Variants in CACNA1A observed in about 807,000 individuals in gnomAD.
CACNA1A encodes calcium voltage-gated channel subunit alpha1 A, also known as voltage-dependent P/Q-type calcium channel subunit alpha-1A.
CACNA1A carries 57 observed loss-of-function variants against 262.4 expected under a neutral mutation model. The observed-to-expected ratio is 0.22, with a 90% CI of 0.18 to 0.27. CACNA1A has a LOEUF of 0.27. Among genes scored for constraint, CACNA1A ranks in the 10% least tolerant of loss-of-function variants. The probability of loss-of-function intolerance (pLI) is 1.00; values close to 1 mark genes in which losing one functional copy is unlikely to be tolerated. For synonymous variants in CACNA1A, 1,431 were observed against 1,419.3 expected (o/e 1.01, Z -0.18); for missense variants, 2,526 against 3,562.8 (o/e 0.71, Z 7.41).
chr19:13,369,208 CTCT>C (rs1160266784), intron 4 of CACNA1A, among the ~76,000 whole-genome samples: 2 of 152,154 alleles, frequency 1.3e-5, no homozygotes, highest in Non-Finnish European at 2.9e-5. Context: ...CCAGCTGCCT[CTCT>C]TCTTAGTAGA....
At position 13,298,786 on chromosome 19, in the gene CACNA1A, C is replaced by A; in HGVS notation, c.2847G>T (p.Thr949=). The change falls in exon 19 of 47, where the codon ACG becomes ACT. Residue 949 remains threonine, a synonymous_variant. Transcript: ENST00000360228. ...GACGTCGATGCTCCCCGTCCGCGCC[C>A]GTGCGCGGGGACCCGCTGCGGCTCT... ...SRESRSGSPR[T]GADGEHRRHR... 9 of 1,539,744 alleles carry A rather than the reference C, an allele frequency of 5.8e-6. No individual in the cohort carries two copies. The highest frequency in any genetic ancestry group is 7.8e-6 in the Non-Finnish European group (9 of 1,153,670).
At chr19:13,448,644 T>C (rs1017248234) in intron 3 of CACNA1A, among the ~76,000 whole-genome samples, 1 of 152,208 alleles carries the variant, frequency 6.6e-6, no homozygotes, top group East Asian at 1.9e-4. Flanking sequence ...TGGCAATACC[T>C]AGTGGGGCTG....
At chr19:13,310,475 A>ATATATATATATATATATATAT (rs2058001652) in intron 12 of CACNA1A, among the ~76,000 whole-genome samples, 1 of 42,176 alleles carries the variant, frequency 2.4e-5, no homozygotes, top group African/African-American at 1.3e-4. Flanking sequence ...AAAAAAAAAA[A>ATATATATATATATATATATAT]AAAAAAAAAA....
chr19:13,473,183 A>G (rs1297970751), intron 1 of CACNA1A, among the ~76,000 whole-genome samples: 1 of 151,808 alleles, frequency 6.6e-6, no homozygotes, highest in Non-Finnish European at 1.5e-5. Context: ...GATGCTGGGA[A>G]GCAGCAGTTG....
Position 13,298,586 on chromosome 19 carries a change from T to C in CACNA1A, c.3047A>G (p.Asp1016Gly). The C allele has an allele frequency of 1.3e-6, 2 of 1,534,962 alleles. No homozygotes were observed. The highest frequency in any genetic ancestry group is 1.4e-5 in the African/African-American group (1 of 71,200). The change falls in exon 19 of 47, where the codon GAC becomes GGC. Residue 1016 changes from aspartate (D) to glycine (G), a missense_variant. Around this residue, in one of 17 missense-constraint regions of CACNA1A, gnomAD observed 765 missense variants for 748.6 expected, o/e 1.02. Coordinates refer to ENST00000360228, the MANE Select transcript of CACNA1A (RefSeq NM_001127222.2). ...RHGAPATYEG[D>G]ARREDKERRH... ...CCGCTCCTTGTCCTCCCTCCGCGCG[T>C]CCCCCTCGTACGTGGCTGGAGCGCC...
chr19:13,420,297 T>C (rs1434682246), intron 3 of CACNA1A, among the ~76,000 whole-genome samples: 1 of 151,550 alleles, frequency 6.6e-6, no homozygotes, highest in African/African-American at 2.4e-5. Context: ...CATGGTCTCT[T>C]TTCTTAAGTA....
At chr19:13,335,655 A>G (rs2058552333) in intron 7 of CACNA1A, 151 bp downstream of exon 7, 1 of 645,410 alleles carries the variant, frequency 1.5e-6, no homozygotes, top group South Asian at 1.8e-5. Flanking sequence ...GCACCTGTGC[A>G]TGGCTTGCTA....
In CACNA1A at chr19:13,238,400, G is replaced by A. The variant is rs149461317; in HGVS notation, c.4951-2670C>T. ...TTCCTCAAGTGCTCAGAAGGATATG[G>A]AGACCACCCACCTAAGGGCTCCAGA... On this transcript the variant is annotated intron_variant, in intron 31 of 46. Transcript: ENST00000360228. Among the ~76,000 whole-genome samples the A allele has an allele frequency of 5.0e-3, 762 of 152,138 alleles. 5 individuals are homozygous for A. The highest frequency in any genetic ancestry group is 7.2e-3 in the Non-Finnish European group (491 of 68,006).
chr19:13,365,549 C>T (rs1210416237), intron 4 of CACNA1A, 80 bp from the exon 5 acceptor site: 2 of 1,318,938 alleles, frequency 1.5e-6, no homozygotes, highest in Non-Finnish European at 2.1e-6. Context: ...CCAGGTCTCT[C>T]CCAGACAAAG....
At chr19:13,459,485 C>T (rs957051827) in intron 1 of CACNA1A, among the ~76,000 whole-genome samples, 3 of 152,198 alleles carry the variant, frequency 2.0e-5, no homozygotes, top group Non-Finnish European at 2.9e-5. Context: ...CAACAAAAGC[C>T]GGCCTTGCCG....
At chr19:13,329,900 T>C (rs1327827302) in intron 10 of CACNA1A, among the ~76,000 whole-genome samples, 3 of 152,038 alleles carry the variant, frequency 2.0e-5, no homozygotes, top group Non-Finnish European at 2.9e-5. Context: ...TGCCTTGTCT[T>C]GTTTGCAACC....
At chr19:13,413,116 T>G (rs1270399371) in intron 3 of CACNA1A, among the ~76,000 whole-genome samples, 1 of 138,008 alleles carries the variant, frequency 7.2e-6, no homozygotes, top group Non-Finnish European at 1.5e-5. Context: ...TTTTTTTGTT[T>G]TTTTTTTAGA....
At chr19:13,358,811 T>C (rs1056534213) in intron 6 of CACNA1A, among the ~76,000 whole-genome samples, 6 of 152,200 alleles carry the variant, frequency 3.9e-5, no homozygotes, top group African/African-American at 1.4e-4. Flanking sequence ...ACTTTGCAAA[T>C]ATACCTTCCT....
intron 6 of CACNA1A, among the ~76,000 whole-genome samples, chr19:13,347,103 C>T (rs1165859186): frequency 2.9e-5 from 4 of 140,342 alleles, no homozygotes; most frequent in African/African-American, 5.4e-5. Context: ...CTCTGTCATC[C>T]GGGCTGGAGT....
chr19:13,353,620 A>G (rs1475642896), intron 6 of CACNA1A, among the ~76,000 whole-genome samples: 7 of 152,196 alleles, frequency 4.6e-5, no homozygotes, highest in Non-Finnish European at 7.3e-5. Flanking sequence ...TGGGATGCAT[A>G]TCCTGATATA....
At chr19:13,486,928 C>T (rs553388553) in intron 1 of CACNA1A, among the ~76,000 whole-genome samples, 1 of 151,712 alleles carries the variant, frequency 6.6e-6, no homozygotes, top group Non-Finnish European at 1.5e-5. Context: ...CACGCAGCCT[C>T]TCTTTCTTTT....
chr19:13,344,736 T>TTTA (rs398071148), intron 6 of CACNA1A, among the ~76,000 whole-genome samples: 7 of 136,218 alleles, frequency 5.1e-5, no homozygotes, highest in African/African-American at 8.3e-5. Context: ...GGATCATTTA[T>TTTA]TTTATTTATT....
chr19:13,207,840 G>A lies in CACNA1A; in HGVS notation c.6994C>T (p.Arg2332Trp). The A allele has an allele frequency of 2.7e-6, 4 of 1,466,024 alleles. No homozygotes were observed. Among genetic ancestry groups the A allele is most frequent in the Non-Finnish European group, 3.6e-6 (4 of 1,115,334 alleles). 90.8% of individuals were successfully genotyped at this position (1,466,024 alleles called of 1,614,324 possible). The change falls in exon 47 of 47, where the codon CGG becomes TGG. Residue 2332 changes from arginine to tryptophan, a missense_variant. Physicochemically the swap from Arg to Trp is moderately radical, Grantham distance 101. Around this residue, in one of 17 missense-constraint regions of CACNA1A, gnomAD observed 929 missense variants for 868.1 expected, o/e 1.07. Transcript: ENST00000360228. This position sits in a 1 kb window ranked among gnomAD's most constrained non-coding sequence, Gnocchi z 5.7. ...QQQQAVARPGRAATSGPRRYP... is the reference protein window; with the variant it reads ...QQQQAVARPGWAATSGPRRYP... The stretch of plus-strand genomic sequence containing the variant: ...CTCCGAGGGCCGCTGGTGGCCGCCC[G>A]GCCCGGCCTGGCCACCGCCTGCTGC...
At chr19:13,434,927 C>T (rs929445873) in intron 3 of CACNA1A, among the ~76,000 whole-genome samples, 4 of 150,982 alleles carry the variant, frequency 2.6e-5, no homozygotes, top group Non-Finnish European at 5.9e-5. Flanking sequence ...GTAGCTGGGA[C>T]CACAGGCGCG....
Sources: gnomAD v4.1 joint callset for allele counts (sites outside exome capture counted in the v4.1 genomes callset) on GRCh38, gnomAD v4.1.1 for gene constraint, gnomAD v4.1.1 regional missense constraint, Gnocchi (gnomAD v3.1) non-coding constraint, MANE v1.5 for transcripts, NCBI Gene and HGNC (gene_info 2026-07-23, HGNC 2026-07-21) for gene names.